Variants in DNAJC3 observed in about 807,000 individuals in gnomAD.
The protein encoded by DNAJC3 is dnaJ homolog subfamily C member 3.
Under a neutral mutation model 68.6 loss-of-function variants are expected in DNAJC3, and 38 were observed. The observed-to-expected ratio is 0.55, with a 90% CI of 0.43 to 0.73. The LOEUF is 0.73. Among genes scored for constraint, DNAJC3 ranks in the 30% least tolerant of loss-of-function variants. The probability of loss-of-function intolerance (pLI) is 0.00; values close to 1 mark genes in which losing one functional copy is unlikely to be tolerated. For missense variants in DNAJC3, 526 were observed against 591.9 expected, an observed-to-expected ratio of 0.89 and a Z score of 1.16; for synonymous variants, 203 against 204.0, an observed-to-expected ratio of 1.00 and a Z score of 0.04.
chr13:95,767,091 T>C (rs984333203), intron 9 of DNAJC3, among the ~76,000 whole-genome samples: 1 of 152,220 alleles, frequency 6.6e-6, no homozygotes, highest in Non-Finnish European at 1.5e-5. Context: ...TTAGTAGAGT[T>C]AAATATGCTC....
intron 1 of DNAJC3, chr13:95,695,185 A>C (rs1438173250): frequency 6.6e-6 from 1 of 152,242 alleles, no homozygotes; most frequent in Non-Finnish European, 1.5e-5. Context: ...AACAGGATCC[A>C]GTAACCCTTC....
chr13:95,766,322 C>G (rs1316745708), intron 9 of DNAJC3, among the ~76,000 whole-genome samples: 1 of 152,154 alleles, frequency 6.6e-6, no homozygotes, highest in Non-Finnish European at 1.5e-5. Flanking sequence ...TAAAGTAAGA[C>G]TGTTATTTGA....
rs535906275 is a variant in DNAJC3 at position 95,794,650 on chromosome 13, A to ATGAT, written c.*3626_*3629dup. 13 of 152,304 alleles carry ATGAT rather than the reference A, an allele frequency of 8.5e-5. No homozygotes were observed. Among genetic ancestry groups the ATGAT allele is most frequent in the African/African-American group, 2.6e-4 (11 of 41,562 alleles). The allele number at this position is 152,304 out of a possible 1,614,324, so 9.4% of individuals were successfully genotyped here. On this transcript the variant is annotated 3_prime_UTR_variant, in exon 12 of 12. Coordinates refer to ENST00000602402, the MANE Select transcript of DNAJC3 (RefSeq NM_006260.5). ...GTTTACAGATGATCTCATTTGCTGAATGATTGATTTAAGAGTAAAATTAGC... is the reference window on the plus strand; with the variant it reads ...GTTTACAGATGATCTCATTTGCTGAATGATTGATTGATTTAAGAGTAAAATTAGC...
At chr13:95,731,679 TG>T (rs1281842508) in intron 4 of DNAJC3, among the ~76,000 whole-genome samples, 2 of 152,154 alleles carry the variant, frequency 1.3e-5, no homozygotes, top group African/African-American at 4.8e-5. Flanking sequence ...TTTCTGGTTT[TG>T]TTTTTGTTTG....
intron 2 of DNAJC3, among the ~76,000 whole-genome samples, chr13:95,709,764 C>T (rs946189356): frequency 9.9e-5 from 15 of 151,862 alleles, no homozygotes; most frequent in African/African-American, 3.1e-4. Flanking sequence ...CTCAGCCTCC[C>T]GAGTAGCTGG....
intron 4 of DNAJC3, among the ~76,000 whole-genome samples, chr13:95,742,032 G>T (rs192960299): frequency 6.6e-6 from 1 of 152,328 alleles, no homozygotes; most frequent in East Asian, 1.9e-4. Context: ...CAGTGGCTGT[G>T]CTGCAGTCCT....
rs1207896815 is a variant in DNAJC3, at chr13:95,792,574, G to A, written c.*1544G>A. ...GTAGTCATATCCTGAAACATAGGTG[G>A]ACAAATTTTTAACTGAGAGACAAAA... On this transcript the variant is annotated 3_prime_UTR_variant, in exon 12 of 12. Coordinates refer to ENST00000602402, the MANE Select transcript of DNAJC3 (RefSeq NM_006260.5). 6 of 152,144 alleles carry A rather than the reference G, an allele frequency of 3.9e-5. No homozygotes were observed. Among genetic ancestry groups the A allele is most frequent in the Non-Finnish European group, 7.4e-5 (5 of 68,026 alleles). The allele number at this position is 152,144 out of a possible 1,614,324, so 9.4% of individuals were successfully genotyped here.
At chr13:95,745,406 T>C (rs145006717) in intron 4 of DNAJC3, 17 of 152,348 alleles carry the variant, frequency 1.1e-4, no homozygotes, top group African/African-American at 3.6e-4. Flanking sequence ...AAAGCATCTC[T>C]GAAGGGCTCT....
In DNAJC3 at chr13:95,762,701, A is replaced by G. The variant is rs551849732; in HGVS notation, c.849-942A>G. Among the ~76,000 whole-genome samples the G allele has an allele frequency of 3.9e-5, 6 of 152,208 alleles. No individual in the cohort carries two copies. The South Asian group carries it at 1.0e-3, about 26-fold the overall frequency. ...TGTGCCATGGTGGTTTGCTGCACCTATCAACCCATTACTTAGGTATTAAGC... is the reference window on the plus strand; with the variant it reads ...TGTGCCATGGTGGTTTGCTGCACCTGTCAACCCATTACTTAGGTATTAAGC... On this transcript the variant is annotated intron_variant, in intron 7 of 11. Coordinates refer to ENST00000602402, the MANE Select transcript of DNAJC3 (RefSeq NM_006260.5).
At chr13:95,707,232 C>G (rs773323497) in intron 1 of DNAJC3, among the ~76,000 whole-genome samples, 3 of 152,184 alleles carry the variant, frequency 2.0e-5, no homozygotes, top group Non-Finnish European at 2.9e-5. Flanking sequence ...TGGTAATGCT[C>G]TCTGGCTTGC....
chr13:95,758,402 G>A (rs570909345), intron 5 of DNAJC3, among the ~76,000 whole-genome samples: 1 of 151,706 alleles, frequency 6.6e-6, no homozygotes, highest in African/African-American at 2.4e-5. Flanking sequence ...TTGGGAGGTC[G>A]AGGTGGGTGG....
intron 3 of DNAJC3, 40 bp from the exon 4 acceptor site, chr13:95,725,138 T>C (rs1223525985): frequency 5.2e-6 from 7 of 1,355,034 alleles, no homozygotes; most frequent in African/African-American, 1.5e-5. Context: ...TTTAGAAATC[T>C]ATAATATTCA....
intron 2 of DNAJC3, among the ~76,000 whole-genome samples, chr13:95,714,238 A>T (rs1345716014): frequency 6.6e-6 from 1 of 152,140 alleles, no homozygotes; most frequent in Non-Finnish European, 1.5e-5. Context: ...TGAAGATCAG[A>T]TGGTAATAAT....
intron 9 of DNAJC3, 145 bp from the exon 10 acceptor site, chr13:95,785,794 G>C: frequency 1.7e-6 from 1 of 595,902 alleles, no homozygotes; most frequent in South Asian, 3.3e-5. Context: ...AGTTACTAAC[G>C]GGGTATCACT....
At chr13:95,682,755 A>G (rs993189755) in intron 1 of DNAJC3, among the ~76,000 whole-genome samples, 5 of 152,228 alleles carry the variant, frequency 3.3e-5, no homozygotes, top group Non-Finnish European at 7.3e-5. Flanking sequence ...GTGGATTGCA[A>G]AAACAGCCAA....
chr13:95,756,824 T>C (rs920208884), intron 4 of DNAJC3, among the ~76,000 whole-genome samples: 2 of 152,148 alleles, frequency 1.3e-5, no homozygotes, highest in African/African-American at 2.4e-5. Context: ...TTATTTTTTG[T>C]CTGGAGGAAG....
intron 4 of DNAJC3, among the ~76,000 whole-genome samples, chr13:95,728,566 G>T (rs1881602186): frequency 6.6e-6 from 1 of 152,082 alleles, no homozygotes; most frequent in Admixed American, 6.6e-5. Context: ...ATATATTTTA[G>T]ATACTTTGTT....
chr13:95,729,836 T>G (rs1020365769), intron 4 of DNAJC3, among the ~76,000 whole-genome samples: 5 of 152,228 alleles, frequency 3.3e-5, no homozygotes, highest in Non-Finnish European at 4.4e-5. Context: ...CTTTGCCCAT[T>G]TTTAAATGGG....
At chr13:95,709,891 G>A (rs1356163051) in intron 2 of DNAJC3, among the ~76,000 whole-genome samples, 5 of 152,052 alleles carry the variant, frequency 3.3e-5, no homozygotes, top group East Asian at 1.9e-4. Flanking sequence ...CGCCCGCCTC[G>A]GCCTCCCAAA....
Sources: allele counts gnomAD v4.1 joint callset (sites outside exome capture counted in the v4.1 genomes callset), GRCh38; gene constraint gnomAD v4.1.1; transcripts MANE v1.5; gene names NCBI Gene and HGNC (gene_info 2026-07-23, HGNC 2026-07-21).